The following METTL15 variants were observed in gnomAD, a reference collection of about 807,000 sequenced individuals.
The protein encoded by METTL15 is 12S rRNA N(4)-cytidine methyltransferase METTL15.
In METTL15, 34 loss-of-function variants were observed where a neutral mutation model predicts 38.3. That is an observed-to-expected ratio of 0.89 (90% CI 0.68 to 1.18). METTL15 has a LOEUF of 1.18. METTL15 is among the 50% of genes most tolerant of loss of function. The pLI is 0.00. For missense variants in METTL15, 438 were observed against 498.4 expected (o/e 0.88, Z 1.15); for synonymous variants, 162 against 170.9 (o/e 0.95, Z 0.41).
intron 5 of METTL15, among the ~76,000 whole-genome samples, chr11:28,405,662 C>T (rs915841842): frequency 6.6e-6 from 1 of 152,118 alleles, no homozygotes; most frequent in Non-Finnish European, 1.5e-5. Flanking sequence ...TCTAAAATCA[C>T]TATACCTCAG....
At chr11:28,305,180 T>C (rs1231701947) in intron 6 of METTL15, among the ~76,000 whole-genome samples, 1 of 152,088 alleles carries the variant, frequency 6.6e-6, no homozygotes, top group Admixed American at 6.6e-5. Context: ...ATTCTGTACA[T>C]GAACTCCAAC....
chr11:28,420,938 A>T (rs1186928972), intron 5 of METTL15, among the ~76,000 whole-genome samples: 1 of 152,048 alleles, frequency 6.6e-6, no homozygotes, highest in Non-Finnish European at 1.5e-5. Context: ...TTTTAAAAAG[A>T]TAAACAAAAT....
intron 6 of METTL15, among the ~76,000 whole-genome samples, chr11:28,426,892 C>T (rs560064179): frequency 2.0e-5 from 3 of 152,010 alleles, no homozygotes; most frequent in African/African-American, 7.2e-5. Context: ...TGTAGGTTGA[C>T]AGTTCACTCT....
At chr11:28,276,530 A>T (rs568855724) in intron 4 of METTL15, among the ~76,000 whole-genome samples, 6 of 152,230 alleles carry the variant, frequency 3.9e-5, no homozygotes, top group Admixed American at 6.5e-5. Flanking sequence ...CAATCTACAG[A>T]TTTCACTACA....
intron 3 of METTL15, among the ~76,000 whole-genome samples, chr11:28,161,257 G>A (rs995257159): frequency 6.6e-6 from 1 of 151,630 alleles, no homozygotes; most frequent in Non-Finnish European, 1.5e-5. Context: ...CAAGTAGCTG[G>A]GATTACAGAT....
chr11:28,243,789 C>T (rs190727933), intron 4 of METTL15, among the ~76,000 whole-genome samples: 117 of 152,154 alleles, frequency 7.7e-4, no homozygotes, highest in African/African-American at 2.5e-3. Flanking sequence ...AGTCTTCCCC[C>T]GGAGAATGTC....
At chr11:28,399,778 T>C (rs555412532) in intron 5 of METTL15, among the ~76,000 whole-genome samples, 1 of 152,050 alleles carries the variant, frequency 6.6e-6, no homozygotes, top group African/African-American at 2.4e-5. Context: ...AAAAAATCTT[T>C]ATGTATAATT....
intron 5 of METTL15, among the ~76,000 whole-genome samples, chr11:28,391,696 C>CA (rs1850510235): frequency 6.6e-6 from 1 of 151,920 alleles, no homozygotes; most frequent in Admixed American, 6.6e-5. Context: ...GCAAACCTGA[C>CA]AAAAACAAGA....
At chr11:28,376,634 T>A (rs2133380427) in intron 5 of METTL15, among the ~76,000 whole-genome samples, 1 of 152,332 alleles carries the variant, frequency 6.6e-6, no homozygotes, top group African/African-American at 2.4e-5. Context: ...CTGTGTCTTT[T>A]AATTGGAGCA....
intron 6 of METTL15, among the ~76,000 whole-genome samples, chr11:28,465,636 G>A (rs971230305): frequency 6.6e-6 from 1 of 152,168 alleles, no homozygotes; most frequent in Non-Finnish European, 1.5e-5. Context: ...TAGCAAGCAG[G>A]TGTTTTGCCT....
intron 6 of METTL15, among the ~76,000 whole-genome samples, chr11:28,432,750 C>T (rs1420726941): frequency 1.3e-5 from 2 of 152,126 alleles, no homozygotes; most frequent in African/African-American, 2.4e-5. Flanking sequence ...CACGTAGGGA[C>T]ATATTCAATG....
chr11:28,274,825 T>C (rs916139902), intron 4 of METTL15, among the ~76,000 whole-genome samples: 5 of 151,710 alleles, frequency 3.3e-5, no homozygotes, highest in African/African-American at 4.8e-5. Flanking sequence ...TTAGGAGATA[T>C]ACCTAATGTA....
At chr11:28,415,939 C>T (rs902256348) in intron 5 of METTL15, among the ~76,000 whole-genome samples, 1 of 151,992 alleles carries the variant, frequency 6.6e-6, no homozygotes, top group Non-Finnish European at 1.5e-5. Context: ...TTTGTGGGGC[C>T]TGAGATAAAA....
At chr11:28,194,994 C>G (rs1194189379) in intron 3 of METTL15, among the ~76,000 whole-genome samples, 2 of 151,980 alleles carry the variant, frequency 1.3e-5, no homozygotes, top group Non-Finnish European at 2.9e-5. Flanking sequence ...GAATAATGAT[C>G]TCCAATTCCA....
chr11:28,156,122 C>T (rs980852517), intron 3 of METTL15, among the ~76,000 whole-genome samples: 163 of 152,166 alleles, frequency 1.1e-3, no homozygotes, highest in African/African-American at 2.1e-3. Flanking sequence ...ATTCTTTATA[C>T]TTTAGAGCCT....
chr11:28,464,051 C>T (rs567418503), intron 6 of METTL15, among the ~76,000 whole-genome samples: 6 of 151,998 alleles, frequency 3.9e-5, no homozygotes, highest in East Asian at 1.9e-4. Context: ...ACAATGCTGG[C>T]GTCATCTCAG....
At chr11:28,382,793 C>G (rs1047019212) in intron 5 of METTL15, among the ~76,000 whole-genome samples, 1 of 151,726 alleles carries the variant, frequency 6.6e-6, no homozygotes, top group South Asian at 2.1e-4. Flanking sequence ...CAAGATAGCG[C>G]CACTGCACTG....
intron 5 of METTL15, among the ~76,000 whole-genome samples, chr11:28,366,578 G>A (rs1850188362): frequency 6.6e-6 from 1 of 152,166 alleles, no homozygotes; most frequent in Non-Finnish European, 1.5e-5. Flanking sequence ...TAAGAAGAGA[G>A]GAGCCTACCT....
intron 3 of METTL15, among the ~76,000 whole-genome samples, chr11:28,167,938 A>G (rs1850712782): frequency 6.6e-6 from 1 of 152,126 alleles, no homozygotes; most frequent in Non-Finnish European, 1.5e-5. Flanking sequence ...CATTGATTTT[A>G]TAAAACCTTT....
Sources: gnomAD v4.1 joint callset for allele counts (sites outside exome capture counted in the v4.1 genomes callset) on GRCh38, gnomAD v4.1.1 for gene constraint, MANE v1.5 for transcripts, NCBI Gene and HGNC (gene_info 2026-07-23, HGNC 2026-07-21) for gene names.